Variants in GRID1 observed in about 807,000 individuals in gnomAD.
GRID1 encodes glutamate ionotropic receptor delta type subunit 1, also known as glutamate receptor ionotropic, delta-1.
Under a neutral mutation model 98.0 loss-of-function variants are expected in GRID1, and 28 were observed. The observed-to-expected ratio is 0.29, with a 90% CI of 0.21 to 0.39. GRID1 has a LOEUF of 0.39. GRID1 is among the 10% of genes least tolerant of loss of function. The pLI, the probability that GRID1 is intolerant of heterozygous loss-of-function variation, is 1.00. For synonymous variants in GRID1, 553 were observed against 538.5 expected (o/e 1.03, Z -0.37); for missense variants, 1,111 against 1,340.5 (o/e 0.83, Z 2.67).
intron 4 of GRID1, among the ~76,000 whole-genome samples, chr10:86,106,403 T>C (rs1017662784): frequency 5.3e-5 from 8 of 151,100 alleles, no homozygotes; most frequent in African/African-American, 2.0e-4. Flanking sequence ...ATCTAGATTA[T>C]GGGATGGAGG....
intron 3 of GRID1, among the ~76,000 whole-genome samples, chr10:86,160,509 G>A (rs915438889): frequency 3.9e-5 from 6 of 152,214 alleles, no homozygotes; most frequent in African/African-American, 1.4e-4. Flanking sequence ...AGGGGAAGAA[G>A]GAGGCATGGT....
intron 12 of GRID1, among the ~76,000 whole-genome samples, chr10:85,694,638 C>A (rs925559449): frequency 3.8e-5 from 5 of 131,464 alleles, no homozygotes; most frequent in African/African-American, 8.3e-5. Context: ...AGAATAAAAT[C>A]ATATATTTTG....
At chr10:86,330,673 T>C (rs912955627) in intron 2 of GRID1, among the ~76,000 whole-genome samples, 2 of 152,174 alleles carry the variant, frequency 1.3e-5, no homozygotes, top group African/African-American at 4.8e-5. Flanking sequence ...TGAGGCCACA[T>C]AGCCAGGAAG....
chr10:85,626,872 T>C (rs140403514), intron 13 of GRID1, among the ~76,000 whole-genome samples: 2 of 152,344 alleles, frequency 1.3e-5, no homozygotes, highest in Non-Finnish European at 2.9e-5. Context: ...GTGATATTTC[T>C]GGAATGGCAA....
At chr10:85,988,962 G>A (rs951958046) in intron 4 of GRID1, among the ~76,000 whole-genome samples, 9 of 152,224 alleles carry the variant, frequency 5.9e-5, no homozygotes, top group Middle Eastern at 3.2e-3. Context: ...CCCAGGGTGA[G>A]TCAGGTCACA....
chr10:85,809,126 C>T lies in GRID1; in HGVS notation c.1233+45370G>A, dbSNP rs186495340. On this transcript the variant is annotated intron_variant, in intron 8 of 15. Coordinates refer to ENST00000327946, the MANE Select transcript of GRID1 (RefSeq NM_017551.3). ...TTCACTAAATCAGAATAAAATGGAC[C>T]GGACACAGCAGAAGACGTGACTCGT... 2.5e-3 allele frequency among the ~76,000 whole-genome samples: 377 copies of T among 150,988 alleles called. 3 individuals are homozygous for T. The highest frequency in any genetic ancestry group is 8.5e-3 in the African/African-American group (350 of 41,142).
chr10:85,800,534 G>A (rs117821604), intron 8 of GRID1, among the ~76,000 whole-genome samples: 5,906 of 151,938 alleles, frequency 0.039, 184 homozygotes, highest in Admixed American at 0.083. Context: ...ACCCCAAAAC[G>A]ATGACCACAT....
chr10:85,995,996 C>T (rs1415541251), intron 4 of GRID1, among the ~76,000 whole-genome samples: 3 of 152,242 alleles, frequency 2.0e-5, no homozygotes, highest in South Asian at 2.1e-4. Flanking sequence ...GTGGCACACA[C>T]ACCAGAATGA....
At chr10:85,879,285 C>G (rs1424631898) in intron 5 of GRID1, among the ~76,000 whole-genome samples, 4 of 152,166 alleles carry the variant, frequency 2.6e-5, no homozygotes, top group African/African-American at 9.7e-5. Context: ...TAGACATCTA[C>G]AGAACTCTCC....
chr10:85,661,182 T>C (rs1276790515), intron 12 of GRID1, among the ~76,000 whole-genome samples: 2 of 151,980 alleles, frequency 1.3e-5, no homozygotes, highest in African/African-American at 2.4e-5. Flanking sequence ...TTTTTTTTTT[T>C]TTAGCCCGGG....
chr10:86,206,345 C>A lies in GRID1; in HGVS notation c.520+19G>T, dbSNP rs1342172689. ...TCCCTGTCCCCAAGCAGCCCCAGCT[C>A]GCCTGCCGGACAACTCACCATACTC... On this transcript the variant is annotated intron_variant, in intron 3 of 15. Transcript: ENST00000327946. The surrounding 1 kb of genome is among the most constrained non-coding windows in gnomAD (Gnocchi z 4.1). The A allele has an allele frequency of 6.4e-7, 1 of 1,573,046 alleles. No individual in the cohort carries two copies. Among genetic ancestry groups the A allele is most frequent in the South Asian group, 1.2e-5 (1 of 83,714 alleles).
At chr10:85,608,225 T>G (rs559733696) in intron 15 of GRID1, among the ~76,000 whole-genome samples, 1 of 152,292 alleles carries the variant, frequency 6.6e-6, no homozygotes, top group African/African-American at 2.4e-5. Context: ...CTCCTTACCT[T>G]GGAATGTTGG....
chr10:86,146,934 A>G (rs1845097258), intron 3 of GRID1, among the ~76,000 whole-genome samples: 1 of 152,226 alleles, frequency 6.6e-6, no homozygotes, highest in Non-Finnish European at 1.5e-5. Flanking sequence ...GCGGGGCACC[A>G]AGCAGGCCCA....
intron 8 of GRID1, among the ~76,000 whole-genome samples, chr10:85,771,830 G>C (rs1226093517): frequency 2.6e-5 from 4 of 152,104 alleles, no homozygotes; most frequent in Admixed American, 6.5e-5. Flanking sequence ...AGCAAGTCCT[G>C]AGTGACCTAC....
At position 85,599,843 on chromosome 10, in the gene GRID1, A is replaced by T. The variant is rs1842548733; in HGVS notation, c.*2430T>A. On this transcript the variant is annotated 3_prime_UTR_variant, in exon 16 of 16. Transcript: ENST00000327946. ...TATAAACATGGTGAAGAATAACACC[A>T]TGAGGTGTTAAGGATTTTGTATAAG... 1.4e-5 allele frequency: 2 copies of T among 138,000 alleles called. No homozygotes were observed. Among genetic ancestry groups the T allele is most frequent in the Non-Finnish European group, 3.1e-5 (2 of 65,308 alleles). 8.5% of individuals were successfully genotyped at this position (138,000 alleles called of 1,614,324 possible).
At chr10:85,769,517 C>A (rs149166134) in intron 8 of GRID1, among the ~76,000 whole-genome samples, 1 of 152,130 alleles carries the variant, frequency 6.6e-6, no homozygotes, top group Non-Finnish European at 1.5e-5. Context: ...CGAAGCAGGG[C>A]GAGGCATTGC....
intron 8 of GRID1, 35 bp downstream of exon 8, chr10:85,854,461 C>T (rs1470130780): frequency 6.2e-7 from 1 of 1,608,990 alleles, no homozygotes; most frequent in African/African-American, 1.3e-5. Flanking sequence ...GGCACCATAG[C>T]AGGAAGATTG....
chr10:85,610,635 C>T (rs568094703), intron 15 of GRID1, among the ~76,000 whole-genome samples: 14 of 152,322 alleles, frequency 9.2e-5, no homozygotes, highest in African/African-American at 3.1e-4. Context: ...TTTTGTGATA[C>T]CTGCTGATCA....
At chr10:86,035,451 A>G (rs573986326) in intron 4 of GRID1, among the ~76,000 whole-genome samples, 1 of 152,162 alleles carries the variant, frequency 6.6e-6, no homozygotes, top group African/African-American at 2.4e-5. Context: ...GAAAGCATGG[A>G]TGGTAGAGAG....
Sources: allele counts gnomAD v4.1 joint callset (sites outside exome capture counted in the v4.1 genomes callset), GRCh38; gene constraint gnomAD v4.1.1; non-coding constraint Gnocchi (gnomAD v3.1); transcripts MANE v1.5; gene names NCBI Gene and HGNC (gene_info 2026-07-23, HGNC 2026-07-21).